Variants in PPARD observed in about 807,000 individuals in gnomAD.
The protein encoded by PPARD is peroxisome proliferator activated receptor delta, also known as peroxisome proliferator-activated receptor delta.
Under a neutral mutation model 39.5 loss-of-function variants are expected in PPARD, and 6 were observed. The ratio of observed to expected loss-of-function variants is 0.15; its 90% CI spans 0.08 to 0.30. The LOEUF is 0.30. Ranked by LOEUF, PPARD falls within the 10% of genes least tolerant of loss-of-function variation. The pLI is 1.00. For synonymous variants in PPARD, 210 were observed against 231.3 expected (o/e 0.91, Z 0.83); for missense variants, 397 against 596.8 (o/e 0.67, Z 3.49).
chr6:35,398,190 A>C (rs9658119), intron 2 of PPARD, among the ~76,000 whole-genome samples: 26,695 of 152,098 alleles, frequency 0.18, 3,529 homozygotes, highest in African/African-American at 0.36. Flanking sequence ...TAGAAGGATC[A>C]CTTTGACTGC....
chr6:35,392,289 TGGTTC>T (rs1764056483), intron 2 of PPARD, among the ~76,000 whole-genome samples: 1 of 152,138 alleles, frequency 6.6e-6, no homozygotes, highest in Non-Finnish European at 1.5e-5. Context: ...CAAAGCAAAC[TGGTTC>T]CTCCCCTGCA....
At chr6:35,395,080 C>T (rs771912927) in intron 2 of PPARD, among the ~76,000 whole-genome samples, 1 of 152,134 alleles carries the variant, frequency 6.6e-6, no homozygotes, top group Non-Finnish European at 1.5e-5. Flanking sequence ...TTGCTGTCTT[C>T]GCACCTTGGG....
chr6:35,393,709 T>A (rs1231970486), intron 2 of PPARD, among the ~76,000 whole-genome samples: 1 of 152,168 alleles, frequency 6.6e-6, no homozygotes, highest in Non-Finnish European at 1.5e-5. Context: ...GCTTAAGAAG[T>A]CTTTCTGGGC....
At chr6:35,347,584 A>AAT (rs112387803) in intron 2 of PPARD, among the ~76,000 whole-genome samples, 9,852 of 147,030 alleles carry the variant, frequency 0.067, 537 homozygotes, top group African/African-American at 0.15. Flanking sequence ...TTAGGGGGCA[A>AAT]ATATATATAT....
chr6:35,377,463 C>G (rs576199830), intron 2 of PPARD, among the ~76,000 whole-genome samples: 1 of 152,298 alleles, frequency 6.6e-6, no homozygotes, highest in South Asian at 2.1e-4. Flanking sequence ...ATAAACTTAG[C>G]TCTTAAATTT....
At chr6:35,343,993 T>TC (rs397740139) in intron 1 of PPARD, among the ~76,000 whole-genome samples, 3 of 152,046 alleles carry the variant, frequency 2.0e-5, no homozygotes, top group African/African-American at 7.3e-5. Flanking sequence ...CTTTTTTTTT[T>TC]CCCGTTTGAG....
chr6:35,417,306 T>C (rs756164375), intron 3 of PPARD, among the ~76,000 whole-genome samples: 16 of 151,586 alleles, frequency 1.1e-4, no homozygotes, highest in Non-Finnish European at 1.9e-4. Context: ...ACCTGGCCTT[T>C]TGTTTTTTTT....
intron 2 of PPARD, among the ~76,000 whole-genome samples, chr6:35,368,741 AG>A (rs1024513807): frequency 2.6e-5 from 4 of 152,208 alleles, no homozygotes; most frequent in African/African-American, 9.7e-5. Flanking sequence ...GTGTCCAGGA[AG>A]TTTCTATTTG....
rs61314141 is a variant in PPARD, at chr6:35,387,716, C to CTTTTT, written c.-101-23252_-101-23248dup. Among the ~76,000 whole-genome samples the CTTTTT allele has an allele frequency of 2.9e-3, 262 of 89,286 alleles. 4 individuals are homozygous for CTTTTT. Among genetic ancestry groups the CTTTTT allele is most frequent in the African/African-American group, 6.6e-3 (132 of 19,888 alleles). The allele number at this position is 89,286 out of a possible 152,430, so 58.6% of individuals were successfully genotyped here. ...TCAGCATATACAGATACACTGCATTCTTTTTTTTTTTTTTTTTTTTTTTGA... is the reference window on the plus strand; with the variant it reads ...TCAGCATATACAGATACACTGCATTCTTTTTTTTTTTTTTTTTTTTTTTTTTTTGA... On this transcript the variant is annotated intron_variant, in intron 2 of 7. Transcript: ENST00000360694.
intron 2 of PPARD, among the ~76,000 whole-genome samples, chr6:35,362,118 G>A (rs1007224234): frequency 6.6e-6 from 1 of 151,958 alleles, no homozygotes; most frequent in Middle Eastern, 3.4e-3. Flanking sequence ...TTCTTACCTA[G>A]GTTCTTTTCA....
At chr6:35,399,938 T>G (rs1257313039) in intron 2 of PPARD, among the ~76,000 whole-genome samples, 1 of 152,234 alleles carries the variant, frequency 6.6e-6, no homozygotes, top group African/African-American at 2.4e-5. Flanking sequence ...CATTTCTGAT[T>G]TTTTGTTATT....
intron 5 of PPARD, among the ~76,000 whole-genome samples, chr6:35,422,693 C>T (rs1398246262): frequency 1.3e-5 from 2 of 152,116 alleles, no homozygotes; most frequent in South Asian, 2.1e-4. Context: ...CCTCCATTTG[C>T]GGCTCTCCTG....
rs1261585335 is a variant in PPARD, at chr6:35,424,517, C to T, written c.816C>T (p.Ser272=). The T allele has an allele frequency of 1.2e-6, 2 of 1,614,108 alleles. No individual in the cohort carries two copies. Among genetic ancestry groups the T allele is most frequent in the Admixed American group, 1.7e-5 (1 of 60,006 alleles). Residue 272 remains serine, a synonymous_variant, in exon 7 of 8, where the codon AGC becomes AGT. Coordinates refer to ENST00000360694, the MANE Select transcript of PPARD (RefSeq NM_006238.5). The surrounding 1 kb of genome is among the most constrained non-coding windows in gnomAD (Gnocchi z 7.1). The part of the protein sequence containing the change: ...EFAKSIPSFS[S]LFLNDQVTLL... ...CCAAGAGCATCCCCAGCTTCAGCAG[C>T]CTCTTCCTCAACGACCAGGTTACCC...
chr6:35,347,161 T>G lies in PPARD; in HGVS notation c.-102+11T>G. Reference sequence around the variant, plus strand: ...AGATGCACCAACGAGGTAATCCCATTTTCTTTACTCAGGGGTCTCTGACCA... The same window carrying G: ...AGATGCACCAACGAGGTAATCCCATGTTCTTTACTCAGGGGTCTCTGACCA... On this transcript the variant is annotated intron_variant, in intron 2 of 7. Transcript: ENST00000360694. 1 of 1,535,756 alleles carries G rather than the reference T, an allele frequency of 6.5e-7. No homozygotes were observed. Among genetic ancestry groups the G allele is most frequent in the Non-Finnish European group, 8.7e-7 (1 of 1,146,644 alleles).
chr6:35,380,459 G>GTTTTTTTTTTTGTTTT (rs1763068883), intron 2 of PPARD, among the ~76,000 whole-genome samples: 1 of 97,114 alleles, frequency 1.0e-5, no homozygotes, highest in Non-Finnish European at 2.1e-5. Flanking sequence ...TTAACCTCGT[G>GTTTTTTTTTTTGTTTT]TTTTTTTTTT....
intron 2 of PPARD, among the ~76,000 whole-genome samples, chr6:35,370,800 G>A (rs1762443532): frequency 6.6e-6 from 1 of 152,190 alleles, no homozygotes; most frequent in Non-Finnish European, 1.5e-5. Context: ...TGGAATGGAT[G>A]GTTGGGATTG....
chr6:35,424,606 G>T lies in PPARD; in HGVS notation c.905G>T (p.Gly302Val). The change falls in exon 7 of 8, where the codon GGG becomes GTG. Residue 302 changes from glycine (G) to valine (V), a missense_variant. By Grantham distance (109) the Gly-to-Val change is moderately radical. Coordinates refer to ENST00000360694, the MANE Select transcript of PPARD (RefSeq NM_006238.5). The surrounding 1 kb of genome is among the most constrained non-coding windows in gnomAD (Gnocchi z 7.1). Reference sequence around the variant, plus strand: ...CTGGCCTCTATCGTCAACAAGGACGGGCTGCTGGTAGCCAACGGCAGTGGC... The same window carrying T: ...CTGGCCTCTATCGTCAACAAGGACGTGCTGCTGGTAGCCAACGGCAGTGGC... Reference protein sequence around the residue: ...AMLASIVNKDGLLVANGSGFV... With the variant: ...AMLASIVNKDVLLVANGSGFV... 1 of 1,614,242 alleles carries T rather than the reference G, an allele frequency of 6.2e-7. No individual in the cohort carries two copies. The highest frequency in any genetic ancestry group is 8.5e-7 in the Non-Finnish European group (1 of 1,180,042).
intron 2 of PPARD, among the ~76,000 whole-genome samples, chr6:35,365,964 G>C (rs9470001): frequency 0.22 from 33,985 of 151,582 alleles, 8,853 homozygotes; most frequent in African/African-American, 0.62. Context: ...CCAGAGGATA[G>C]TTAAGAAAGG....
intron 3 of PPARD, among the ~76,000 whole-genome samples, chr6:35,416,399 A>C (rs551552373): frequency 7.3e-5 from 11 of 150,372 alleles, no homozygotes; most frequent in Admixed American, 3.3e-4. Flanking sequence ...AAAAAAAAAA[A>C]AAAAAAAAAA....
Sources: gnomAD v4.1 joint callset for allele counts (sites outside exome capture counted in the v4.1 genomes callset) on GRCh38, gnomAD v4.1.1 for gene constraint, Gnocchi (gnomAD v3.1) non-coding constraint, MANE v1.5 for transcripts, NCBI Gene and HGNC (gene_info 2026-07-23, HGNC 2026-07-21) for gene names.